B3GALNT2: variants seen among roughly 807,000 people sequenced by gnomAD.
B3GALNT2 encodes beta-1,3-N-acetylgalactosaminyltransferase 2, also known as UDP-GalNAc:beta-1,3-N-acetylgalactosaminyltransferase 2.
Under a neutral mutation model 61.1 loss-of-function variants are expected in B3GALNT2, and 53 were observed. That is an observed-to-expected ratio of 0.87 (90% confidence interval 0.70 to 1.09). The LOEUF (loss-of-function observed/expected upper bound fraction) is 1.09, where lower values mean the gene tolerates loss of function less well. B3GALNT2 is among the 50% of genes least tolerant of loss of function. The probability of loss-of-function intolerance (pLI) is 0.00; values close to 1 mark genes in which losing one functional copy is unlikely to be tolerated. For missense variants in B3GALNT2, 544 were observed against 623.0 expected, an observed-to-expected ratio of 0.87 and a Z score of 1.35; for synonymous variants, 223 against 237.4, an observed-to-expected ratio of 0.94 and a Z score of 0.56.
intron 4 of B3GALNT2, 139 bp from the exon 5 acceptor site, chr1:235,480,288 G>T: frequency 7.5e-7 from 1 of 1,339,050 alleles, no homozygotes. Context: ...GTTCTACTGT[G>T]GTTTTGGCAT....
chr1:235,455,694 C>T lies in B3GALNT2; in HGVS notation c.1026-10G>A. 3 of 1,605,560 alleles carry T rather than the reference C, an allele frequency of 1.9e-6. No homozygotes were observed. The highest frequency in any genetic ancestry group is 8.5e-7 in the Non-Finnish European group (1 of 1,172,900). On this transcript the variant is annotated splice_polypyrimidine_tract_variant and intron_variant, in intron 8 of 11. Transcript: ENST00000366600. ...CGTTGTTTCCACAGTCCTGTTGACA[C>T]AAAAGGGATAAGAAAGTCAGTGCGA...
chr1:235,495,060 C>G (rs1396291590), intron 1 of B3GALNT2, among the ~76,000 whole-genome samples: 1 of 152,054 alleles, frequency 6.6e-6, no homozygotes, highest in Non-Finnish European at 1.5e-5. Flanking sequence ...TTCATGCTCA[C>G]GTAAGTATAC....
At chr1:235,488,516 T>C (rs190063887) in intron 3 of B3GALNT2, among the ~76,000 whole-genome samples, 122 of 151,800 alleles carry the variant, frequency 8.0e-4, no homozygotes, top group Non-Finnish European at 3.8e-4. Context: ...ACCCCATCTC[T>C]ACTAAAAATA....
At chr1:235,471,020 T>C in intron 5 of B3GALNT2, 60 bp from the exon 6 acceptor site, 2 of 1,578,672 alleles carry the variant, frequency 1.3e-6, no homozygotes, top group South Asian at 1.2e-5. Flanking sequence ...AGGTTTTAAG[T>C]ATGCTTTCAG....
chr1:235,443,839 T>G (rs1226678938), downstream of B3GALNT2, among the ~76,000 whole-genome samples: 1 of 152,198 alleles, frequency 6.6e-6, no homozygotes, highest in East Asian at 1.9e-4. Context: ...TACTTTTATT[T>G]GGAAAATAAA....
intron 7 of B3GALNT2, among the ~76,000 whole-genome samples, chr1:235,460,037 C>T (rs1243819506): frequency 6.6e-6 from 1 of 152,160 alleles, no homozygotes; most frequent in Non-Finnish European, 1.5e-5. Flanking sequence ...AAATGATCCA[C>T]CTGCCTCAGC....
chr1:235,484,414 T>A lies in B3GALNT2; in HGVS notation c.463A>T (p.Ile155Phe). Residue 155 changes from isoleucine (I) to phenylalanine (F), a missense_variant, in exon 4 of 12, where the codon ATC (isoleucine) becomes TTC (phenylalanine). Physicochemically the swap from Ile to Phe is conservative, Grantham distance 21. Transcript: ENST00000366600. The stretch of plus-strand genomic sequence containing the variant: ...AACACTCCAAGACTGGTAATAACGA[T>A]GGGGTAGAGAACTCGGAAACTCACG... Reference protein sequence around the residue: ...VSVSFRVLYPIVITSLGVFYD... With the variant: ...VSVSFRVLYPFVITSLGVFYD... 6.2e-7 allele frequency: 1 copy of A among 1,614,100 alleles called. No homozygotes were observed.
downstream of B3GALNT2, among the ~76,000 whole-genome samples, chr1:235,446,365 C>T (rs977010172): frequency 5.9e-5 from 9 of 152,054 alleles, no homozygotes; most frequent in Admixed American, 1.3e-4. Flanking sequence ...TTAGTAGAGA[C>T]GGGGTTTCTC....
chr1:235,440,357 TA>T, the B3GALNT2 span, among the ~76,000 whole-genome samples: 2 of 152,010 alleles, frequency 1.3e-5, no homozygotes, highest in East Asian at 3.9e-4. Flanking sequence ...GTAGGAAGGG[TA>T]GGAAGCACTC....
chr1:235,458,746 T>TTGAGG lies in B3GALNT2; in HGVS notation c.877_881dup (p.Gln294HisfsTer9). 1 of 1,606,284 alleles carries TTGAGG rather than the reference T, an allele frequency of 6.2e-7. No individual in the cohort carries two copies. The highest frequency in any genetic ancestry group is 8.5e-7 in the Non-Finnish European group (1 of 1,177,712). ...GATTCCTTATATGATCAATAAGTCT[T>TTGAGG]TGAGGGCGAGAATGAAGGTTGTGTA... is the stretch of plus-strand genomic sequence containing the variant. On this transcript the variant is annotated frameshift_variant, in exon 8 of 12. Coordinates refer to ENST00000366600, the MANE Select transcript of B3GALNT2 (RefSeq NM_152490.5). LOFTEE classifies it high-confidence loss of function.
At chr1:235,466,325 T>C (rs1683695666) in intron 6 of B3GALNT2, among the ~76,000 whole-genome samples, 1 of 151,322 alleles carries the variant, frequency 6.6e-6, no homozygotes, top group Non-Finnish European at 1.5e-5. Context: ...TGCCTCAGCC[T>C]CCCACAGTGC....
chr1:235,488,331 A>C (rs899080767), intron 3 of B3GALNT2, among the ~76,000 whole-genome samples: 2 of 152,170 alleles, frequency 1.3e-5, no homozygotes, highest in African/African-American at 4.8e-5. Flanking sequence ...AGTCTCCTGG[A>C]TCCTAAAGTT....
In B3GALNT2 at chr1:235,470,889, C is replaced by T. The variant is rs777394575; in HGVS notation, c.723G>A (p.Val241=). 6 of 1,613,972 alleles carry T rather than the reference C, an allele frequency of 3.7e-6. No individual in the cohort carries two copies. In the African/African-American group the frequency reaches 8.0e-5, roughly 22 times the overall value. ...HGLVSRNLHK[V]TVNDGGGVLR... ...GAACTCCCCCTCCATCATTCACTGT[C>T]ACTTTGTGGAGATTTCTTGACACAA... is the stretch of plus-strand genomic sequence containing the variant. The change falls in exon 6 of 12, where the codon GTG becomes GTA. Residue 241 remains valine, a synonymous_variant. Transcript: ENST00000366600.
intron 3 of B3GALNT2, among the ~76,000 whole-genome samples, chr1:235,485,086 T>G (rs550278537): frequency 2.6e-5 from 4 of 152,212 alleles, no homozygotes; most frequent in Non-Finnish European, 5.9e-5. Context: ...TTTTGAACCA[T>G]CTTCTATGTA....
At position 235,448,784 on chromosome 1, in the gene B3GALNT2, A is replaced by G. The variant is rs1288996257; in HGVS notation, c.*1422T>C. 2 of 1,497,646 alleles carry G rather than the reference A, an allele frequency of 1.3e-6. No homozygotes were observed. The highest frequency in any genetic ancestry group is 1.1e-5 in the South Asian group (1 of 88,604). 92.8% of individuals were successfully genotyped at this position (1,497,646 alleles called of 1,614,324 possible). A position where few individuals can be genotyped will look rare whatever the true frequency, so the allele number is the denominator to read the frequency against. On this transcript the variant is annotated 3_prime_UTR_variant, in exon 12 of 12. Transcript: ENST00000366600. The stretch of plus-strand genomic sequence containing the variant: ...GTGACAACCAACTAATAAAATTTAA[A>G]GACCACACTGCTTATCGTGTCTGGG...
chr1:235,468,456 T>C (rs1232706171), intron 6 of B3GALNT2, among the ~76,000 whole-genome samples: 2 of 146,230 alleles, frequency 1.4e-5, no homozygotes, highest in Non-Finnish European at 3.0e-5. Context: ...CTACCTTTTT[T>C]TTTTTTTTTT....
intron 10 of B3GALNT2, 32 bp downstream of exon 10, chr1:235,454,124 C>A: frequency 6.4e-7 from 1 of 1,556,784 alleles, no homozygotes; most frequent in Non-Finnish European, 8.7e-7. Flanking sequence ...CTGGCAAGAG[C>A]CACCACGCCA....
rs1165053225 is a variant in B3GALNT2 at position 235,455,578 on chromosome 1, G to A, written c.1132C>T (p.Pro378Ser). Reference sequence around the variant, plus strand: ...ACTTACTTTCCCCACCAAAAATTAGGCCCATCCAGATTCTTTTGGACAATC... The same window carrying A: ...ACTTACTTTCCCCACCAAAAATTAGACCCATCCAGATTCTTTTGGACAATC... ...NRIVQKNLDG[P>S]NFWWGNFRLN... The change falls in exon 9 of 12, where the codon CCT becomes TCT. Residue 378 changes from proline to serine, a missense_variant. Coordinates refer to ENST00000366600, the MANE Select transcript of B3GALNT2 (RefSeq NM_152490.5). The A allele has an allele frequency of 1.2e-6, 2 of 1,612,846 alleles. No individual in the cohort carries two copies. Among genetic ancestry groups the A allele is most frequent in the Non-Finnish European group, 1.7e-6 (2 of 1,178,872 alleles).
intron 1 of B3GALNT2, among the ~76,000 whole-genome samples, chr1:235,502,907 A>G (rs1387987421): frequency 6.6e-6 from 1 of 152,268 alleles, no homozygotes; most frequent in Non-Finnish European, 1.5e-5. Flanking sequence ...AAAAACACTG[A>G]GCAAAACCCT....
Sources: gnomAD v4.1 joint callset for allele counts (sites outside exome capture counted in the v4.1 genomes callset) on GRCh38, gnomAD v4.1.1 for gene constraint, MANE v1.5 for transcripts, NCBI Gene and HGNC (gene_info 2026-07-23, HGNC 2026-07-21) for gene names.